POM121: variants seen among roughly 807,000 people sequenced by gnomAD.
POM121 encodes nuclear envelope pore membrane protein POM 121.
POM121 carries 32 observed loss-of-function variants against 81.3 expected under a neutral mutation model. The ratio of observed to expected loss-of-function variants is 0.39; its 90% confidence interval spans 0.30 to 0.53. POM121 has a LOEUF of 0.53. Among genes scored for constraint, POM121 ranks in the 20% least tolerant of loss-of-function variants. The pLI is 0.66. For missense variants in POM121, 1,138 were observed against 1,614.6 expected, an observed-to-expected ratio of 0.70 and a Z score of 5.06; for synonymous variants, 514 against 694.2, an observed-to-expected ratio of 0.74 and a Z score of 4.08.
chr7:72,880,621 GCTCACA>G (rs1563127535), intron 1 of POM121, among the ~76,000 whole-genome samples: 2 of 151,982 alleles, frequency 1.3e-5, no homozygotes, highest in Non-Finnish European at 2.9e-5. Context: ...GGATGCAGTG[GCTCACA>G]CCTGTAATCC....
chr7:72,897,394 G>A (rs1341943032), intron 3 of POM121, among the ~76,000 whole-genome samples: 3 of 152,166 alleles, frequency 2.0e-5, no homozygotes, highest in African/African-American at 7.2e-5. Context: ...AAAAGCCAAT[G>A]AGGCTGGAGT....
downstream of POM121, chr7:72,949,122 G>A (rs374307663): frequency 2.1e-5 from 32 of 1,519,974 alleles, no homozygotes; most frequent in East Asian, 4.5e-5. Flanking sequence ...AGCGTGTCTC[G>A]GTTACACAGC....
intron 3 of POM121, among the ~76,000 whole-genome samples, chr7:72,912,440 G>A (rs1793893508): frequency 6.6e-6 from 1 of 152,190 alleles, no homozygotes; most frequent in African/African-American, 2.4e-5. Context: ...ACTGAGGACA[G>A]GTTCCCAGAG....
At position 72,946,295 on chromosome 7, in the gene POM121, T is replaced by C; in HGVS notation, c.*61T>C. 8 of 1,598,928 alleles carry C rather than the reference T, an allele frequency of 5.0e-6. No homozygotes were observed. The South Asian group carries it at 7.8e-5, about 16-fold the overall frequency. On this transcript the variant is annotated 3_prime_UTR_variant, in exon 13 of 13. Coordinates refer to ENST00000434423, the MANE Select transcript of POM121 (RefSeq NM_001387691.1). ...CCTAAATCTGGACCTTGGCACCTGC[T>C]AGGAAGAGCCTTGGACCCTTCCAGT... is the stretch of plus-strand genomic sequence containing the variant.
chr7:72,893,563 G>C (rs1478131583), intron 3 of POM121, among the ~76,000 whole-genome samples: 1 of 152,086 alleles, frequency 6.6e-6, no homozygotes, highest in South Asian at 2.1e-4. Context: ...CAGCCTGGGC[G>C]ACAGAGCCAG....
At chr7:72,884,535 CAAATATATACATATAATATATATTTGATA>C (rs1790503349) in intron 1 of POM121, among the ~76,000 whole-genome samples, 1 of 59,344 alleles carries the variant, frequency 1.7e-5, no homozygotes, top group South Asian at 5.2e-4. Flanking sequence ...TATTTGATAG[CAAATATATACATATAATATATATTTGATA>C]GCAAATATAT....
intron 3 of POM121, among the ~76,000 whole-genome samples, chr7:72,897,024 G>A (rs181408498): frequency 5.3e-5 from 8 of 152,264 alleles, no homozygotes; most frequent in African/African-American, 9.6e-5. Flanking sequence ...GTAACATGGC[G>A]AAACCCCATC....
At chr7:72,907,287 T>G (rs2129575984) in intron 3 of POM121, among the ~76,000 whole-genome samples, 1 of 152,280 alleles carries the variant, frequency 6.6e-6, no homozygotes, top group Admixed American at 6.5e-5. Context: ...CTAGGCCCCT[T>G]TGCCCTTTTT....
chr7:72,944,989 C>T (rs1273432067), intron 11 of POM121, among the ~76,000 whole-genome samples: 2 of 144,898 alleles, frequency 1.4e-5, no homozygotes, highest in East Asian at 4.1e-4. Context: ...ACTTGAGTTA[C>T]GGTATTTAGG....
At chr7:72,917,610 G>A (rs1794404420) in intron 4 of POM121, among the ~76,000 whole-genome samples, 1 of 152,192 alleles carries the variant, frequency 6.6e-6, no homozygotes, top group Non-Finnish European at 1.5e-5. Flanking sequence ...CAGACCATGT[G>A]GTTTCAACAG....
chr7:72,938,941 A>T (rs1175821524), intron 6 of POM121, among the ~76,000 whole-genome samples: 1 of 152,198 alleles, frequency 6.6e-6, no homozygotes, highest in Non-Finnish European at 1.5e-5. Flanking sequence ...GGCCATGCAG[A>T]GTGGAGAGCA....
intron 3 of POM121, among the ~76,000 whole-genome samples, chr7:72,911,795 T>G (rs1793832498): frequency 6.6e-6 from 1 of 152,198 alleles, no homozygotes; most frequent in African/African-American, 2.4e-5. Context: ...TGTTGTTATA[T>G]CCCTAGTTTT....
At position 72,915,451 on chromosome 7, in the gene POM121, C is replaced by T. The variant is rs190020257; in HGVS notation, c.-152+1623C>T. Among the ~76,000 whole-genome samples, 10 of 152,218 alleles carry T rather than the reference C, an allele frequency of 6.6e-5. No homozygotes were observed. The East Asian group carries it at 1.3e-3, about 21-fold the overall frequency. ...AGTGGCACGATCTCGGCTCCTCCTC[C>T]GCCTCGCACCTCCCAGGTTCAAGCA... On this transcript the variant is annotated intron_variant, in intron 4 of 15. Coordinates refer to the POM121 transcript ENST00000395270.
intron 1 of POM121, among the ~76,000 whole-genome samples, chr7:72,880,591 A>T (rs1790040071): frequency 6.6e-6 from 1 of 152,096 alleles, no homozygotes; most frequent in Non-Finnish European, 1.5e-5. Context: ...GTTTAAAGAG[A>T]CAATAAGAAA....
chr7:72,930,814 C>A (rs1330700758), intron 5 of POM121, among the ~76,000 whole-genome samples: 1 of 151,044 alleles, frequency 6.6e-6, no homozygotes, highest in Admixed American at 6.7e-5. Context: ...TGCAACAGAG[C>A]AAGACTGTGT....
intron 3 of POM121, among the ~76,000 whole-genome samples, chr7:72,909,648 G>GT (rs1250595900): frequency 2.6e-5 from 4 of 152,014 alleles, no homozygotes; most frequent in African/African-American, 4.8e-5. Flanking sequence ...AGGCCAATTT[G>GT]TTTTTTTGTT....
chr7:72,907,829 G>T (rs1793414585), intron 3 of POM121, among the ~76,000 whole-genome samples: 1 of 152,034 alleles, frequency 6.6e-6, no homozygotes, highest in Non-Finnish European at 1.5e-5. Context: ...TGTTTTTTGG[G>T]CACTGCACTC....
rs1377378217 is a variant in POM121, at chr7:72,902,119, AC to A, written c.-216+11010del. 8.6e-5 allele frequency among the ~76,000 whole-genome samples: 13 copies of A among 151,946 alleles called. 1 individual carries two copies. Among genetic ancestry groups the A allele is most frequent in the African/African-American group, 3.1e-4 (13 of 41,472 alleles). ...AAGAGTGAAACTCATGAAAAAAAAA[AC>A]AAAAAACAAAAAACTGTGGACAGGA... On this transcript the variant is annotated intron_variant, in intron 3 of 15. Coordinates refer to the POM121 transcript ENST00000395270.
chr7:72,908,167 C>T (rs1308244617), intron 3 of POM121, among the ~76,000 whole-genome samples: 6 of 152,102 alleles, frequency 3.9e-5, no homozygotes, highest in African/African-American at 7.2e-5. Context: ...CGGGGGAACC[C>T]GCCCCTGATA....
Sources: gnomAD v4.1 joint callset for allele counts (sites outside exome capture counted in the v4.1 genomes callset) on GRCh38, gnomAD v4.1.1 for gene constraint, MANE v1.5 for transcripts, NCBI Gene and HGNC (gene_info 2026-07-23, HGNC 2026-07-21) for gene names.